Variants in SIPA1L2 observed in about 807,000 individuals in gnomAD.
The protein encoded by SIPA1L2 is signal-induced proliferation-associated 1-like protein 2.
In SIPA1L2, 56 loss-of-function variants were observed where a neutral mutation model predicts 163.9. That is an observed-to-expected ratio of 0.34 (90% CI 0.28 to 0.43). SIPA1L2 has a LOEUF of 0.43. Ranked by LOEUF, SIPA1L2 falls within the 20% of genes least tolerant of loss-of-function variation. SIPA1L2 has a pLI of 1.00. For missense variants in SIPA1L2, 1,974 were observed against 2,193.5 expected (o/e 0.90, Z 2.00); for synonymous variants, 877 against 865.7 (o/e 1.01, Z -0.23).
At chr1:232,614,775 C>T (rs1662417918) in intron 1 of SIPA1L2, among the ~76,000 whole-genome samples, 1 of 152,218 alleles carries the variant, frequency 6.6e-6, no homozygotes, top group Non-Finnish European at 1.5e-5. Context: ...TTAGCCTTTC[C>T]ATCTTACAAA....
At chr1:232,539,442 C>A (rs923456168) in intron 2 of SIPA1L2, among the ~76,000 whole-genome samples, 2 of 152,170 alleles carry the variant, frequency 1.3e-5, no homozygotes, top group Non-Finnish European at 2.9e-5. Flanking sequence ...TGAAAATGAC[C>A]TGAACATCTT....
intron 2 of SIPA1L2, among the ~76,000 whole-genome samples, chr1:232,536,077 G>A (rs1416719487): frequency 1.3e-5 from 2 of 152,188 alleles, no homozygotes; most frequent in Non-Finnish European, 2.9e-5. Flanking sequence ...CAAGGAATCT[G>A]GTGAGAAGAG....
intron 2 of SIPA1L2, among the ~76,000 whole-genome samples, chr1:232,525,747 A>C (rs1257032241): frequency 1.3e-5 from 2 of 152,176 alleles, no homozygotes; most frequent in Non-Finnish European, 2.9e-5. Context: ...AATGGGGATC[A>C]TGTCTGCTTA....
chr1:232,598,711 T>G (rs981787550), intron 1 of SIPA1L2, among the ~76,000 whole-genome samples: 1 of 152,146 alleles, frequency 6.6e-6, no homozygotes, highest in African/African-American at 2.4e-5. Flanking sequence ...TTGGGCATCT[T>G]ATAGGGGCAT....
At chr1:232,483,770 C>T (rs1331002335) in intron 6 of SIPA1L2, 22 bp downstream of exon 6, 1 of 1,612,604 alleles carries the variant, frequency 6.2e-7, no homozygotes, top group East Asian at 2.2e-5. Flanking sequence ...AAAATGTGCA[C>T]ACACACAAAC....
chr1:232,483,864 A>G lies in SIPA1L2; in HGVS notation c.1909T>C (p.Phe637Leu). ...NETAGPAFEE[F>L]LDLLGQRVRL... Reference sequence around the variant, plus strand: ...ACTCTCTGGCCCAGAAGATCAAGGAATTCTTCAAAAGCTGGTCCCGCCGTC... The same window carrying G: ...ACTCTCTGGCCCAGAAGATCAAGGAGTTCTTCAAAAGCTGGTCCCGCCGTC... The change falls in exon 6 of 23, where the codon TTC becomes CTC. Residue 637 changes from phenylalanine to leucine, a missense_variant. Physicochemically the swap from Phe to Leu is conservative, Grantham distance 22. Transcript: ENST00000674635. 1 of 1,614,106 alleles carries G rather than the reference A, an allele frequency of 6.2e-7. No individual in the cohort carries two copies. The highest frequency in any genetic ancestry group is 8.5e-7 in the Non-Finnish European group (1 of 1,179,974).
intron 2 of SIPA1L2, among the ~76,000 whole-genome samples, chr1:232,572,674 TATACACACACATATACATAC>T (rs1451959847): frequency 1.5e-4 from 17 of 112,232 alleles, no homozygotes; most frequent in African/African-American, 6.5e-4. Flanking sequence ...TATATATATA[TATACACACACATATACATAC>T]ATATATATAT....
intron 13 of SIPA1L2, 148 bp from the exon 14 acceptor site, chr1:232,441,542 A>C: frequency 1.3e-6 from 1 of 799,240 alleles, no homozygotes; most frequent in Middle Eastern, 2.5e-4. Flanking sequence ...ATATGTCACA[A>C]AAGTATACAG....
At chr1:232,463,678 T>A (rs945459756) in intron 9 of SIPA1L2, among the ~76,000 whole-genome samples, 2 of 152,224 alleles carry the variant, frequency 1.3e-5, no homozygotes, top group Non-Finnish European at 2.9e-5. Flanking sequence ...TTGGTGGATA[T>A]GCTAAAAAGA....
intron 18 of SIPA1L2, among the ~76,000 whole-genome samples, chr1:232,423,543 T>C (rs1427251960): frequency 6.6e-6 from 1 of 152,242 alleles, no homozygotes; most frequent in Non-Finnish European, 1.5e-5. Flanking sequence ...GTTTCTTAAG[T>C]GTAGCTATTG....
rs755919446 is a variant in SIPA1L2, at chr1:232,439,121, A to G, written c.4018T>C (p.Ser1340Pro). The G allele has an allele frequency of 1.1e-5, 17 of 1,606,742 alleles. No homozygotes were observed. Among genetic ancestry groups the G allele is most frequent in the Admixed American group, 8.4e-5 (5 of 59,822 alleles). Reference sequence around the variant, plus strand: ...TGTGGGGCTTACCTGGAATGAGAGGATATCTCACTGAGATCGCCCATGCTG... The same window carrying G: ...TGTGGGGCTTACCTGGAATGAGAGGGTATCTCACTGAGATCGCCCATGCTG... The part of the protein sequence containing the change: ...EGSMGDLSEI[S>P]SHSSGSHHSG... Residue 1340 changes from serine to proline, a missense_variant, in exon 15 of 23, where the codon TCC becomes CCC. Coordinates refer to ENST00000674635, the MANE Select transcript of SIPA1L2 (RefSeq NM_020808.5).
intron 5 of SIPA1L2, among the ~76,000 whole-genome samples, chr1:232,487,407 G>T (rs1489051727): frequency 2.0e-5 from 3 of 152,128 alleles, no homozygotes; most frequent in African/African-American, 7.2e-5. Flanking sequence ...CTTGACTTCG[G>T]TTGAAACAAA....
chr1:232,486,925 C>T (rs1273206746), intron 5 of SIPA1L2, among the ~76,000 whole-genome samples: 2 of 152,218 alleles, frequency 1.3e-5, no homozygotes, highest in Non-Finnish European at 2.9e-5. Context: ...ATTCCTCATT[C>T]TCTCAGACCA....
At chr1:232,572,694 CATAT>C (rs61685621) in intron 2 of SIPA1L2, among the ~76,000 whole-genome samples, 23,414 of 100,600 alleles carry the variant, frequency 0.23, 2,324 homozygotes, top group East Asian at 0.31. Flanking sequence ...CATATACATA[CATAT>C]ATATATATAT....
chr1:232,609,627 G>GAGACCAGCCTGGCCAAC (rs1662137157), intron 1 of SIPA1L2, among the ~76,000 whole-genome samples: 1 of 152,062 alleles, frequency 6.6e-6, no homozygotes, highest in Admixed American at 6.5e-5. Context: ...TCAGGAGTTT[G>GAGACCAGCCTGGCCAAC]AGACCAGCCT....
chr1:232,458,818 C>T (rs1664069664), intron 10 of SIPA1L2, among the ~76,000 whole-genome samples: 1 of 152,096 alleles, frequency 6.6e-6, no homozygotes, highest in Non-Finnish European at 1.5e-5. Context: ...AAGGATTTGC[C>T]TTTTGTTATT....
intron 2 of SIPA1L2, among the ~76,000 whole-genome samples, chr1:232,522,596 T>G (rs985087327): frequency 6.6e-6 from 1 of 151,424 alleles, no homozygotes; most frequent in Non-Finnish European, 1.5e-5. Flanking sequence ...GGGGAAGACA[T>G]AGACATGTCC....
chr1:232,473,780 A>G (rs546933040), intron 7 of SIPA1L2, among the ~76,000 whole-genome samples: 7 of 152,322 alleles, frequency 4.6e-5, no homozygotes, highest in African/African-American at 1.7e-4. Context: ...AAAAAAATAA[A>G]CGATTGGAGG....
chr1:232,448,122 T>C (rs948536278), intron 10 of SIPA1L2, among the ~76,000 whole-genome samples: 3 of 152,180 alleles, frequency 2.0e-5, no homozygotes, highest in African/African-American at 7.2e-5. Context: ...GCTCAAGCGA[T>C]TACTCAGGTA....
Sources: gnomAD v4.1 joint callset for allele counts (sites outside exome capture counted in the v4.1 genomes callset) on GRCh38, gnomAD v4.1.1 for gene constraint, MANE v1.5 for transcripts, NCBI Gene and HGNC (gene_info 2026-07-23, HGNC 2026-07-21) for gene names.